CALD1: variants seen among roughly 807,000 people sequenced by gnomAD.
CALD1 encodes the protein caldesmon.
A neutral mutation model predicts 99.9 loss-of-function variants in CALD1; 33 were observed. The ratio of observed to expected loss-of-function variants is 0.33; its 90% CI spans 0.25 to 0.44. CALD1 has a LOEUF of 0.44. Among genes scored for constraint, CALD1 ranks in the 20% least tolerant of loss-of-function variants. The probability of loss-of-function intolerance (pLI) is 1.00; values close to 1 mark genes in which losing one functional copy is unlikely to be tolerated. For missense variants in CALD1, 861 were observed against 962.1 expected (o/e 0.89, Z 1.39); for synonymous variants, 310 against 325.0 (o/e 0.95, Z 0.50).
At chr7:134,731,916 GT>G in the CALD1 span, among the ~76,000 whole-genome samples, 1 of 151,930 alleles carries the variant, frequency 6.6e-6, no homozygotes, top group Non-Finnish European at 1.5e-5. Context: ...CACACACATT[GT>G]TTATTTTTTC....
At chr7:134,726,614 G>A in the CALD1 span, among the ~76,000 whole-genome samples, 1 of 151,032 alleles carries the variant, frequency 6.6e-6, no homozygotes, top group Non-Finnish European at 1.5e-5. Flanking sequence ...GAGAACATTG[G>A]CAGACAGCTG....
chr7:134,959,325 C>T (rs182724909), intron 11 of CALD1, among the ~76,000 whole-genome samples: 12 of 152,076 alleles, frequency 7.9e-5, no homozygotes, highest in Non-Finnish European at 1.6e-4. Context: ...GTTTTGAGCA[C>T]GACTGTATCC....
In CALD1 at chr7:134,923,346, G is replaced by GT. The variant is rs528682810; in HGVS notation, c.72-5401dup. Among the ~76,000 whole-genome samples the GT allele has an allele frequency of 2.3e-4, 35 of 152,260 alleles. No individual in the cohort carries two copies. The South Asian group carries it at 5.6e-3, about 24-fold the overall frequency. ...TTTATAGATCATTTGTGGATTGCCA[G>GT]TTTTTTTAAAAAATAGATCCACAAT... On this transcript the variant is annotated intron_variant, in intron 3 of 14. Transcript: ENST00000361675.
At chr7:134,831,755 G>A (rs182532720) in intron 1 of CALD1, among the ~76,000 whole-genome samples, 2 of 152,288 alleles carry the variant, frequency 1.3e-5, no homozygotes, top group African/African-American at 4.8e-5. Context: ...AGAGATCCGA[G>A]TTATCTGCGA....
At chr7:134,759,065 T>C (rs1454722194) in intron 1 of CALD1, among the ~76,000 whole-genome samples, 2 of 152,182 alleles carry the variant, frequency 1.3e-5, no homozygotes, top group Non-Finnish European at 2.9e-5. Flanking sequence ...TTCTAGTTAG[T>C]GTACTGTGAC....
chr7:134,923,940 T>A (rs181840359), intron 3 of CALD1, among the ~76,000 whole-genome samples: 127 of 152,342 alleles, frequency 8.3e-4, no homozygotes, highest in Non-Finnish European at 1.4e-3. Context: ...ATAATGTCCT[T>A]AGCAGCATTG....
intron 3 of CALD1, among the ~76,000 whole-genome samples, chr7:134,924,120 T>A (rs1279015671): frequency 1.3e-5 from 2 of 152,190 alleles, no homozygotes; most frequent in Non-Finnish European, 2.9e-5. Context: ...ATAAACAAGG[T>A]AAATTAAAGA....
Position 134,781,011 on chromosome 7 carries a change from A to G in CALD1, c.-130+1262A>G, listed in dbSNP as rs139446789. On this transcript the variant is annotated intron_variant, in intron 1 of 14. Coordinates refer to ENST00000361675, the MANE Select transcript of CALD1 (RefSeq NM_033138.4). ...TCATTAAATAAAGTTTTCTCTTTGT[A>G]TTTAGAAGTTTGGGGATAATTTTCT... Among the ~76,000 whole-genome samples, 485 of 152,282 alleles carry G rather than the reference A, an allele frequency of 3.2e-3. 1 individual carries two copies. The highest frequency in any genetic ancestry group is 0.011 in the African/African-American group (466 of 41,550).
At chr7:134,749,342 G>A (rs746421862) in intron 1 of CALD1, among the ~76,000 whole-genome samples, 12 of 152,206 alleles carry the variant, frequency 7.9e-5, no homozygotes, top group Admixed American at 4.6e-4. Context: ...GCCAGGGGCC[G>A]GGCATGGTGG....
chr7:134,877,822 A>G (rs974965764), intron 3 of CALD1, among the ~76,000 whole-genome samples: 2 of 152,228 alleles, frequency 1.3e-5, no homozygotes, highest in Admixed American at 1.3e-4. Context: ...CCAACATTAT[A>G]TATAAATATT....
intron 3 of CALD1, among the ~76,000 whole-genome samples, chr7:134,903,575 T>G (rs945009338): frequency 1.3e-5 from 2 of 152,138 alleles, no homozygotes; most frequent in Non-Finnish European, 2.9e-5. Context: ...GCAGCAAGCT[T>G]TGGCATTTCT....
At chr7:134,732,426 A>G in the CALD1 span, among the ~76,000 whole-genome samples, 1 of 152,184 alleles carries the variant, frequency 6.6e-6, no homozygotes, top group East Asian at 1.9e-4. Flanking sequence ...TTAAGCCATG[A>G]GGGCAGAGCC....
At chr7:134,845,303 G>GA (rs1799807050) in intron 2 of CALD1, among the ~76,000 whole-genome samples, 1 of 152,186 alleles carries the variant, frequency 6.6e-6, no homozygotes, top group African/African-American at 2.4e-5. Flanking sequence ...TGAATGAATG[G>GA]AAAGAGGATT....
At chr7:134,960,202 AAGC>A in intron 12 of CALD1, 91 bp downstream of exon 12, 1 of 1,419,636 alleles carries the variant, frequency 7.0e-7, no homozygotes, top group Non-Finnish European at 9.9e-7. Flanking sequence ...TAAATAATAA[AAGC>A]AGTGAAGAAG....
chr7:134,859,542 C>A (rs978669345), intron 2 of CALD1, among the ~76,000 whole-genome samples: 1 of 152,176 alleles, frequency 6.6e-6, no homozygotes, highest in African/African-American at 2.4e-5. Flanking sequence ...CACTTCTCTT[C>A]ATTCTTCTAA....
At chr7:134,926,398 C>A (rs1026095456) in intron 3 of CALD1, among the ~76,000 whole-genome samples, 2 of 152,184 alleles carry the variant, frequency 1.3e-5, no homozygotes, top group African/African-American at 4.8e-5. Flanking sequence ...ATTGCCCCCC[C>A]ATATTTGTGA....
chr7:134,732,883 G>A, the CALD1 span, among the ~76,000 whole-genome samples: 10 of 152,336 alleles, frequency 6.6e-5, no homozygotes, highest in South Asian at 2.1e-4. Context: ...ATTCTCAAGC[G>A]GGATGGGCCC....
At chr7:134,857,466 C>G (rs189463605) in intron 2 of CALD1, among the ~76,000 whole-genome samples, 4 of 152,066 alleles carry the variant, frequency 2.6e-5, no homozygotes, top group African/African-American at 9.6e-5. Flanking sequence ...CAGTTTTGTG[C>G]TATTCTTAAG....
the CALD1 span, among the ~76,000 whole-genome samples, chr7:134,711,728 CTCTCTCTCTG>C: frequency 9.9e-6 from 1 of 100,710 alleles, no homozygotes; most frequent in Admixed American, 9.4e-5. Flanking sequence ...GTGTGTGTGT[CTCTCTCTCTG>C]TCTCTGTCTG....
Sources: allele counts gnomAD v4.1 joint callset (sites outside exome capture counted in the v4.1 genomes callset), GRCh38; gene constraint gnomAD v4.1.1; transcripts MANE v1.5; gene names NCBI Gene and HGNC (gene_info 2026-07-23, HGNC 2026-07-21).